ZNF257: variants seen among roughly 807,000 people sequenced by gnomAD.
ZNF257 encodes bone marrow zinc finger 4.
In ZNF257, 12 loss-of-function variants were observed where a neutral mutation model predicts 11.9. That is an observed-to-expected ratio of 1.01 (90% confidence interval 0.65 to 1.63). ZNF257 has a LOEUF of 1.63. ZNF257 is among the 40% of genes most tolerant of loss of function. ZNF257 has a pLI of 0.00. For missense variants in ZNF257, 580 were observed against 665.5 expected, an observed-to-expected ratio of 0.87 and a Z score of 1.41; for synonymous variants, 183 against 222.7, an observed-to-expected ratio of 0.82 and a Z score of 1.59.
intron 1 of ZNF257, among the ~76,000 whole-genome samples, chr19:22,054,386 CAT>C (rs949196512): frequency 1.2e-4 from 19 of 152,090 alleles, no homozygotes; most frequent in Non-Finnish European, 2.5e-4. Context: ...GAATTTTTTA[CAT>C]GTGTCCCAAG....
chr19:22,065,246 C>T (rs1336550786), intron 1 of ZNF257, among the ~76,000 whole-genome samples: 2 of 151,778 alleles, frequency 1.3e-5, no homozygotes, highest in African/African-American at 2.4e-5. Context: ...GTTGCCCAGG[C>T]TGGAGTGCAA....
At chr19:22,069,492 G>A (rs1293199267) in intron 1 of ZNF257, among the ~76,000 whole-genome samples, 1 of 152,060 alleles carries the variant, frequency 6.6e-6, no homozygotes. Flanking sequence ...GTGGGCGCCT[G>A]TAATCCCAGC....
At position 22,070,029 on chromosome 19, in the gene ZNF257, A is replaced by C. The variant is rs1407614409; in HGVS notation, c.4-2780A>C. On this transcript the variant is annotated intron_variant, in intron 1 of 3. Coordinates refer to ENST00000594947, the MANE Select transcript of ZNF257 (RefSeq NM_033468.4). ...AGTCTTGCCTCAGATAATTGATTTA[A>C]TAAGATCAGAGTTTTGGTTGGTGAA... Among the ~76,000 whole-genome samples, 2 of 152,080 alleles carry C rather than the reference A, an allele frequency of 1.3e-5. 1 individual carries two copies. The highest frequency in any genetic ancestry group is 2.9e-5 in the Non-Finnish European group (2 of 68,038).
intron 1 of ZNF257, among the ~76,000 whole-genome samples, chr19:22,056,777 C>T (rs562506325): frequency 6.6e-6 from 1 of 152,096 alleles, no homozygotes; most frequent in East Asian, 1.9e-4. Flanking sequence ...CGCGCCCGGC[C>T]GAATTTAGAA....
intron 1 of ZNF257, chr19:22,064,369 GT>G (rs1410226674): frequency 3.9e-5 from 6 of 152,266 alleles, no homozygotes; most frequent in Non-Finnish European, 8.8e-5. Flanking sequence ...ACTCAAGGTT[GT>G]CATTAGCTAG....
chr19:22,085,697 C>CAT (rs2022461936), intron 3 of ZNF257, among the ~76,000 whole-genome samples: 1 of 139,930 alleles, frequency 7.1e-6, no homozygotes, highest in African/African-American at 2.7e-5. Flanking sequence ...CATGCACACA[C>CAT]ACACACACAC....
intron 3 of ZNF257, chr19:22,074,367 T>G (rs1013144202): frequency 6.6e-6 from 1 of 152,164 alleles, no homozygotes; most frequent in Non-Finnish European, 1.5e-5. Flanking sequence ...TATTTATTTT[T>G]TGAGATGGAG....
intron 1 of ZNF257, among the ~76,000 whole-genome samples, chr19:22,057,105 C>CTAAT (rs2021663003): frequency 6.6e-6 from 1 of 152,024 alleles, no homozygotes; most frequent in Non-Finnish European, 1.5e-5. Flanking sequence ...TCACATATTA[C>CTAAT]TAATTATTTA....
chr19:22,079,478 G>A (rs932951181), intron 3 of ZNF257, among the ~76,000 whole-genome samples: 12 of 152,036 alleles, frequency 7.9e-5, no homozygotes, highest in African/African-American at 2.9e-4. Context: ...CACATGGCTG[G>A]GGAGGCTTCA....
In ZNF257 at chr19:22,088,788, T is replaced by G; in HGVS notation, c.1038T>G (p.Cys346Trp). ...ATACTGGAGAGAAACCCTTCCAATG[T>G]GAAGAGTGTGGCAAAGCTTTTAACC... ...MIHTGEKPFQ[C>W]EECGKAFNRS... The change falls in exon 4 of 4, where the codon TGT (cysteine) becomes TGG (tryptophan). Residue 346 changes from cysteine (C) to tryptophan (W), a missense_variant. Coordinates refer to ENST00000594947, the MANE Select transcript of ZNF257 (RefSeq NM_033468.4). 5 of 1,613,212 alleles carry G rather than the reference T, an allele frequency of 3.1e-6. No homozygotes were observed. The highest frequency in any genetic ancestry group is 4.2e-6 in the Non-Finnish European group (5 of 1,179,698).
At chr19:22,060,126 C>T (rs2021755029) in intron 1 of ZNF257, among the ~76,000 whole-genome samples, 1 of 152,182 alleles carries the variant, frequency 6.6e-6, no homozygotes, top group Non-Finnish European at 1.5e-5. Flanking sequence ...CATGCATGTG[C>T]ATGTGTCATG....
chr19:22,089,028 T>G lies in ZNF257; in HGVS notation c.1278T>G (p.Thr426=). ...TTLTQHKIIH[T]GEKPYKCEEC... The stretch of plus-strand genomic sequence containing the variant: ...TTACTCAGCATAAGATAATTCATAC[T>G]GGAGAGAAACCCTACAAATGTGAAG... Residue 426 remains threonine, a synonymous_variant, in exon 4 of 4, where the codon ACT becomes ACG. Coordinates refer to ENST00000594947, the MANE Select transcript of ZNF257 (RefSeq NM_033468.4). 6.2e-7 allele frequency: 1 copy of G among 1,613,756 alleles called. No homozygotes were observed. The highest frequency in any genetic ancestry group is 8.5e-7 in the Non-Finnish European group (1 of 1,179,870).
At chr19:22,085,276 C>T (rs933692287) in intron 3 of ZNF257, among the ~76,000 whole-genome samples, 1 of 151,910 alleles carries the variant, frequency 6.6e-6, no homozygotes, top group Non-Finnish European at 1.5e-5. Context: ...TTCATGTTGG[C>T]CAGGCTGGTC....
At chr19:22,075,755 G>A (rs975034836) in intron 3 of ZNF257, 3 of 152,248 alleles carry the variant, frequency 2.0e-5, no homozygotes, top group Non-Finnish European at 4.4e-5. Context: ...CATTTATTTT[G>A]GAGATGGGGT....
rs1252359269 is a variant in ZNF257, at chr19:22,073,570, T to C, written c.226+6T>C. On this transcript the variant is annotated splice_donor_region_variant and intron_variant, in intron 3 of 3. Coordinates refer to ENST00000594947, the MANE Select transcript of ZNF257 (RefSeq NM_033468.4). ...GATGGTAGCCAAACCCCCAGGTAGGTGAGAGTGAAAGCCAGTACAACAGGT... is the reference window on the plus strand; with the variant it reads ...GATGGTAGCCAAACCCCCAGGTAGGCGAGAGTGAAAGCCAGTACAACAGGT... The C allele has an allele frequency of 6.2e-7, 1 of 1,608,786 alleles. No homozygotes were observed. Among genetic ancestry groups the C allele is most frequent in the Non-Finnish European group, 8.5e-7 (1 of 1,177,810 alleles).
At chr19:22,080,403 G>A (rs1568487957) in intron 3 of ZNF257, among the ~76,000 whole-genome samples, 2 of 152,188 alleles carry the variant, frequency 1.3e-5, no homozygotes, top group East Asian at 3.9e-4. Context: ...TAATTCAAAA[G>A]AGAGCTGGCT....
intron 1 of ZNF257, chr19:22,060,418 TA>T (rs2021763960): frequency 6.6e-6 from 1 of 152,206 alleles, no homozygotes; most frequent in Non-Finnish European, 1.5e-5. Flanking sequence ...AGCATTTTTT[TA>T]TATCCTTGTT....
intron 3 of ZNF257, 73 bp downstream of exon 3, chr19:22,073,637 C>T: frequency 6.6e-7 from 1 of 1,507,066 alleles, no homozygotes. Flanking sequence ...AAAGCAAGTC[C>T]TTAAAATGTC....
Position 22,088,526 on chromosome 19 carries a change from G to A in ZNF257, c.776G>A (p.Cys259Tyr). The A allele has an allele frequency of 1.2e-6, 2 of 1,613,578 alleles. No individual in the cohort carries two copies. Among genetic ancestry groups the A allele is most frequent in the East Asian group, 2.2e-5 (1 of 44,808 alleles). The change falls in exon 4 of 4, where the codon TGT becomes TAT. Residue 259 changes from cysteine (C) to tyrosine (Y), a missense_variant. By Grantham distance (194) the Cys-to-Tyr change is radical. Transcript: ENST00000594947. ...CATACTAGAGAGAAACCCTACAAAT[G>A]TGAAGAGTGTGGCAAAGCCTTTAAC... ...VIHTREKPYK[C>Y]EECGKAFNRS...
Sources: allele counts gnomAD v4.1 joint callset (sites outside exome capture counted in the v4.1 genomes callset), GRCh38; gene constraint gnomAD v4.1.1; transcripts MANE v1.5; gene names NCBI Gene and HGNC (gene_info 2026-07-23, HGNC 2026-07-21).